Variants in SLC39A11 observed in about 807,000 individuals in gnomAD.
SLC39A11 encodes zinc transporter ZIP11.
A neutral mutation model predicts 36.1 loss-of-function variants in SLC39A11; 33 were observed. The ratio of observed to expected loss-of-function variants is 0.91; its 90% confidence interval spans 0.69 to 1.22. The LOEUF (loss-of-function observed/expected upper bound fraction) is 1.22. SLC39A11 is among the 50% of genes most tolerant of loss of function. The pLI is 0.00. For synonymous variants in SLC39A11, 166 were observed against 170.3 expected (o/e 0.97, Z 0.20); for missense variants, 432 against 430.3 (o/e 1.00, Z -0.03).
chr17:72,780,776 T>A (rs1437435651), intron 6 of SLC39A11, among the ~76,000 whole-genome samples: 1 of 151,986 alleles, frequency 6.6e-6, no homozygotes, highest in Non-Finnish European at 1.5e-5. Flanking sequence ...ACACCTGAGG[T>A]CAGGAGTTTG....
chr17:72,866,877 C>G (rs548410713), intron 5 of SLC39A11, among the ~76,000 whole-genome samples: 1 of 152,320 alleles, frequency 6.6e-6, no homozygotes, highest in South Asian at 2.1e-4. Context: ...AAGCCCCTCA[C>G]AGATCCTAAA....
intron 7 of SLC39A11, among the ~76,000 whole-genome samples, chr17:72,693,299 A>G (rs931223973): frequency 4.8e-5 from 5 of 104,046 alleles, no homozygotes; most frequent in Non-Finnish European, 8.8e-5. Context: ...ACAAAGCTGC[A>G]GGGAACACTG....
intron 6 of SLC39A11, among the ~76,000 whole-genome samples, chr17:72,843,306 C>G (rs1308891680): frequency 6.6e-6 from 1 of 152,054 alleles, no homozygotes; most frequent in East Asian, 1.9e-4. Context: ...AGTCTAAACA[C>G]CCAGAATTGT....
At chr17:72,893,906 C>T (rs2081891498) in intron 5 of SLC39A11, among the ~76,000 whole-genome samples, 1 of 152,118 alleles carries the variant, frequency 6.6e-6, no homozygotes, top group Non-Finnish European at 1.5e-5. Flanking sequence ...TAGATATTTC[C>T]TCGATGTCTG....
intron 4 of SLC39A11, among the ~76,000 whole-genome samples, chr17:72,965,578 T>C (rs1174120452): frequency 1.3e-5 from 2 of 152,230 alleles, no homozygotes; most frequent in Non-Finnish European, 2.9e-5. Flanking sequence ...TGAGCACGTT[T>C]AAGGTAGCTG....
chr17:73,074,843 T>C (rs763882228), intron 3 of SLC39A11, among the ~76,000 whole-genome samples: 2 of 152,216 alleles, frequency 1.3e-5, no homozygotes, highest in Non-Finnish European at 2.9e-5. Context: ...ATAATAGATA[T>C]TAAATTGCCT....
At chr17:73,000,453 G>GAA (rs1231018694) in intron 4 of SLC39A11, among the ~76,000 whole-genome samples, 1 of 152,122 alleles carries the variant, frequency 6.6e-6, no homozygotes, top group Non-Finnish European at 1.5e-5. Flanking sequence ...AAGGATATGG[G>GAA]AACAAGGCAC....
At chr17:72,900,667 C>T (rs560685895) in intron 5 of SLC39A11, among the ~76,000 whole-genome samples, 4 of 151,934 alleles carry the variant, frequency 2.6e-5, no homozygotes, top group African/African-American at 9.7e-5. Flanking sequence ...GGGGCAGGCG[C>T]GCCCTCCAGG....
chr17:72,873,939 T>TC (rs1432261392), intron 5 of SLC39A11, among the ~76,000 whole-genome samples: 1 of 151,978 alleles, frequency 6.6e-6, no homozygotes, highest in Non-Finnish European at 1.5e-5. Flanking sequence ...TATAAGGGGC[T>TC]CCCCCCACTT....
intron 5 of SLC39A11, among the ~76,000 whole-genome samples, chr17:72,878,864 C>A (rs192775159): frequency 6.6e-5 from 10 of 152,330 alleles, no homozygotes; most frequent in Admixed American, 1.3e-4. Context: ...ACTGCCCATA[C>A]TTCAGGTCAA....
At chr17:72,729,248 A>AT (rs972858452) in intron 7 of SLC39A11, among the ~76,000 whole-genome samples, 163 of 146,508 alleles carry the variant, frequency 1.1e-3, no homozygotes, top group African/African-American at 2.8e-3. Context: ...ATTTAGTTTT[A>AT]TTTTTTTTGA....
intron 4 of SLC39A11, among the ~76,000 whole-genome samples, chr17:72,955,558 C>T (rs918752915): frequency 4.0e-5 from 6 of 151,378 alleles, no homozygotes; most frequent in Non-Finnish European, 7.4e-5. Flanking sequence ...ATCCATCCTC[C>T]GCAGCCTTCC....
intron 7 of SLC39A11, among the ~76,000 whole-genome samples, chr17:72,659,770 T>A (rs1018280397): frequency 5.3e-5 from 8 of 151,896 alleles, no homozygotes; most frequent in Non-Finnish European, 1.0e-4. Context: ...ATTTTATTTT[T>A]TTGTATTTTT....
intron 6 of SLC39A11, among the ~76,000 whole-genome samples, chr17:72,820,142 G>C (rs12949513): frequency 0.02 from 3,026 of 151,350 alleles, 138 homozygotes; most frequent in African/African-American, 0.05. Flanking sequence ...CTATGGTCTT[G>C]GGTGATGTGA....
At chr17:72,913,698 A>G (rs2083159600) in intron 5 of SLC39A11, among the ~76,000 whole-genome samples, 3 of 152,150 alleles carry the variant, frequency 2.0e-5, no homozygotes. Context: ...TGAACTTGAC[A>G]TGAAGACCCT....
intron 5 of SLC39A11, among the ~76,000 whole-genome samples, chr17:72,882,100 C>T (rs1007912454): frequency 1.3e-5 from 2 of 152,144 alleles, no homozygotes; most frequent in Non-Finnish European, 2.9e-5. Flanking sequence ...TACCTGTAAT[C>T]CCAGCACTTT....
At chr17:72,995,456 G>A (rs932569230) in intron 4 of SLC39A11, among the ~76,000 whole-genome samples, 1 of 152,220 alleles carries the variant, frequency 6.6e-6, no homozygotes, top group Non-Finnish European at 1.5e-5. Flanking sequence ...GGGATGCCCA[G>A]ATAGCTGACA....
rs148625606 is a variant in SLC39A11 at position 72,783,997 on chromosome 17, G to A, written c.602-47278C>T. Among the ~76,000 whole-genome samples, 291 of 152,210 alleles carry A rather than the reference G, an allele frequency of 1.9e-3. 3 individuals carry two copies. Among genetic ancestry groups the A allele is most frequent in the Middle Eastern group, 6.8e-3 (2 of 294 alleles). On this transcript the variant is annotated intron_variant, in intron 6 of 9. Coordinates refer to ENST00000255559, the MANE Select transcript of SLC39A11 (RefSeq NM_139177.4). ...GATGGGAAAGGGAACTGGAGGATGT[G>A]GGGGTAACTGTGGGTAGGGGTACAA...
rs1425333357 is a variant in SLC39A11 at position 72,734,876 on chromosome 17, C to T, written c.671+1774G>A. Among the ~76,000 whole-genome samples, 4 of 152,256 alleles carry T rather than the reference C, an allele frequency of 2.6e-5. No individual in the cohort carries two copies. In the East Asian group the frequency reaches 7.8e-4, roughly 30 times the overall value. On this transcript the variant is annotated intron_variant, in intron 7 of 9. Coordinates refer to ENST00000255559, the MANE Select transcript of SLC39A11 (RefSeq NM_139177.4). Reference sequence around the variant, plus strand: ...AGGTCACACCCTCTGGGCTCTTCAGCCCCGTGGATACTGCTTGACTCTGAA... The same window carrying T: ...AGGTCACACCCTCTGGGCTCTTCAGTCCCGTGGATACTGCTTGACTCTGAA...
Sources: allele counts gnomAD v4.1 joint callset (sites outside exome capture counted in the v4.1 genomes callset), GRCh38; gene constraint gnomAD v4.1.1; transcripts MANE v1.5; gene names NCBI Gene and HGNC (gene_info 2026-07-23, HGNC 2026-07-21).